LRMDA: variants seen among roughly 807,000 people sequenced by gnomAD.
LRMDA encodes the protein leucine rich melanocyte differentiation associated, also known as leucine-rich melanocyte differentiation-associated protein.
Under a neutral mutation model 29.8 loss-of-function variants are expected in LRMDA, and 18 were observed. The observed-to-expected ratio is 0.60, with a 90% confidence interval of 0.42 to 0.90. LRMDA has a LOEUF of 0.90. Among genes scored for constraint, LRMDA ranks in the 40% least tolerant of loss-of-function variants. LRMDA has a pLI of 0.00. For missense variants in LRMDA, 273 were observed against 273.9 expected (o/e 1.00, Z 0.02); for synonymous variants, 125 against 109.4 (o/e 1.14, Z -0.89).
At chr10:76,361,024 G>T (rs1044136082) in intron 6 of LRMDA, among the ~76,000 whole-genome samples, 1 of 152,178 alleles carries the variant, frequency 6.6e-6, no homozygotes, top group Admixed American at 6.5e-5. Context: ...ACTTTGGGAG[G>T]CTGAGGCAGG....
intron 4 of LRMDA, among the ~76,000 whole-genome samples, chr10:76,050,490 A>G (rs905498853): frequency 6.6e-6 from 1 of 152,224 alleles, no homozygotes; most frequent in Non-Finnish European, 1.5e-5. Flanking sequence ...TTTGCCATTC[A>G]TCATAGTTCA....
At chr10:75,751,073 G>A (rs1032440577) in intron 2 of LRMDA, among the ~76,000 whole-genome samples, 3 of 152,230 alleles carry the variant, frequency 2.0e-5, no homozygotes, top group African/African-American at 4.8e-5. Flanking sequence ...CGGCACCTCC[G>A]GAGTCTGAGG....
At chr10:75,573,985 C>G (rs1564804277) in intron 2 of LRMDA, among the ~76,000 whole-genome samples, 1 of 147,086 alleles carries the variant, frequency 6.8e-6, no homozygotes, top group East Asian at 2.0e-4. Context: ...TGCAGAAGGC[C>G]TTTTTTTTTT....
At chr10:76,170,536 C>G (rs529374433) in intron 5 of LRMDA, among the ~76,000 whole-genome samples, 13 of 152,330 alleles carry the variant, frequency 8.5e-5, no homozygotes, top group African/African-American at 3.1e-4. Flanking sequence ...TTCTCTGAGT[C>G]TAGCTCAGTT....
chr10:75,847,300 C>T (rs1448373268), intron 2 of LRMDA, among the ~76,000 whole-genome samples: 1 of 152,102 alleles, frequency 6.6e-6, no homozygotes, highest in Non-Finnish European at 1.5e-5. Context: ...AGTGGATAAC[C>T]ATATGCAAAA....
chr10:75,597,510 C>G (rs1006361018), intron 2 of LRMDA, among the ~76,000 whole-genome samples: 3 of 152,148 alleles, frequency 2.0e-5, no homozygotes, highest in African/African-American at 4.8e-5. Flanking sequence ...GTTTAAATAC[C>G]GTAAAAAGCC....
chr10:75,545,306 G>A (rs559745536), intron 2 of LRMDA, among the ~76,000 whole-genome samples: 26 of 152,170 alleles, frequency 1.7e-4, no homozygotes, highest in African/African-American at 6.3e-4. Flanking sequence ...CAAGTGTTAC[G>A]GAGAGTTTGG....
intron 6 of LRMDA, among the ~76,000 whole-genome samples, chr10:76,426,227 A>T (rs1842124850): frequency 1.3e-5 from 2 of 152,278 alleles, no homozygotes; most frequent in South Asian, 4.1e-4. Context: ...CAACAGTTTA[A>T]AGTGTTCCTA....
intron 5 of LRMDA, among the ~76,000 whole-genome samples, chr10:76,306,511 G>A (rs952774509): frequency 6.6e-6 from 1 of 152,126 alleles, no homozygotes; most frequent in African/African-American, 2.4e-5. Context: ...ACGGGGCATG[G>A]ATCTTCAGGG....
intron 2 of LRMDA, among the ~76,000 whole-genome samples, chr10:75,692,277 A>G (rs1444968069): frequency 4.3e-5 from 5 of 115,798 alleles, no homozygotes; most frequent in Non-Finnish European, 8.7e-5. Context: ...AAATATATAC[A>G]CAAGTATATA....
At chr10:76,191,700 G>A (rs12245369) in intron 5 of LRMDA, among the ~76,000 whole-genome samples, 11,978 of 152,246 alleles carry the variant, frequency 0.079, 772 homozygotes, top group African/African-American at 0.17. Context: ...ACTGTCTGCA[G>A]TTTGGGTCCT....
intron 6 of LRMDA, among the ~76,000 whole-genome samples, chr10:76,326,765 T>A (rs1840838428): frequency 6.6e-6 from 1 of 152,208 alleles, no homozygotes; most frequent in South Asian, 2.1e-4. Context: ...AAGATTCATG[T>A]CCTAAAAACT....
At chr10:76,506,052 A>G (rs1450221188) in intron 6 of LRMDA, among the ~76,000 whole-genome samples, 3 of 152,100 alleles carry the variant, frequency 2.0e-5, no homozygotes, top group Admixed American at 2.0e-4. Context: ...CATTTGACAA[A>G]TCTATGCAGG....
At chr10:76,005,793 G>C (rs1470055062) in intron 2 of LRMDA, among the ~76,000 whole-genome samples, 1 of 151,806 alleles carries the variant, frequency 6.6e-6, no homozygotes, top group East Asian at 1.9e-4. Flanking sequence ...AGCCGAGCTT[G>C]GTGGCGGGCG....
At chr10:75,628,805 C>T (rs1841283967) in intron 2 of LRMDA, among the ~76,000 whole-genome samples, 1 of 152,160 alleles carries the variant, frequency 6.6e-6, no homozygotes, top group South Asian at 2.1e-4. Context: ...GCTGGCCATG[C>T]ATGTGCCACT....
chr10:76,214,722 A>G (rs1432746719), intron 5 of LRMDA, among the ~76,000 whole-genome samples: 2 of 152,198 alleles, frequency 1.3e-5, no homozygotes, highest in Non-Finnish European at 2.9e-5. Flanking sequence ...TATTGACTAG[A>G]TAGTTATGGC....
At chr10:75,466,425 T>G (rs1844651016) in intron 2 of LRMDA, among the ~76,000 whole-genome samples, 1 of 152,176 alleles carries the variant, frequency 6.6e-6, no homozygotes, top group Non-Finnish European at 1.5e-5. Context: ...GTACCTTTTT[T>G]CTTTGCCTGA....
At chr10:76,247,788 C>A (rs1852402281) in intron 5 of LRMDA, among the ~76,000 whole-genome samples, 1 of 152,090 alleles carries the variant, frequency 6.6e-6, no homozygotes, top group Non-Finnish European at 1.5e-5. Flanking sequence ...AAAGCATTTG[C>A]ATGTGGGGTC....
chr10:75,556,488 G>T (rs769352900), intron 2 of LRMDA, among the ~76,000 whole-genome samples: 3 of 152,136 alleles, frequency 2.0e-5, no homozygotes, highest in Non-Finnish European at 4.4e-5. Flanking sequence ...TCACATCTGC[G>T]TGCCAGGAAC....
Sources: gnomAD v4.1 joint callset for allele counts (sites outside exome capture counted in the v4.1 genomes callset) on GRCh38, gnomAD v4.1.1 for gene constraint, MANE v1.5 for transcripts, NCBI Gene and HGNC (gene_info 2026-07-23, HGNC 2026-07-21) for gene names.